The following CNOT2 variants were observed in gnomAD, a reference collection of about 807,000 sequenced individuals.
CNOT2 encodes CC chemokine receptor 4-negative regulator of transcription 2.
A neutral mutation model predicts 72.1 loss-of-function variants in CNOT2; 7 were observed. The ratio of observed to expected loss-of-function variants is 0.10; its 90% CI spans 0.06 to 0.18. The LOEUF (loss-of-function observed/expected upper bound fraction) is 0.18, where lower values mean the gene tolerates loss of function less well. CNOT2 is among the 10% of genes least tolerant of loss of function. The pLI, the probability that CNOT2 is intolerant of heterozygous loss-of-function variation, is 1.00. For missense variants in CNOT2, 345 were observed against 660.3 expected (o/e 0.52, Z 5.23); for synonymous variants, 196 against 225.6 (o/e 0.87, Z 1.17).
intron 2 of CNOT2, among the ~76,000 whole-genome samples, chr12:70,306,858 A>T (rs1334447146): frequency 6.6e-6 from 1 of 152,244 alleles, no homozygotes; most frequent in Non-Finnish European, 1.5e-5. Flanking sequence ...TGTGGACCAT[A>T]CTTAAACAAA....
intron 2 of CNOT2, among the ~76,000 whole-genome samples, chr12:70,305,777 T>TA (rs1285284838): frequency 6.6e-6 from 1 of 152,094 alleles, no homozygotes; most frequent in East Asian, 1.9e-4. Context: ...GCCTGCCTCT[T>TA]ACTTCGTTGG....
chr12:70,312,377 A>G (rs1876616975), intron 3 of CNOT2, among the ~76,000 whole-genome samples: 1 of 151,948 alleles, frequency 6.6e-6, no homozygotes, highest in African/African-American at 2.4e-5. Flanking sequence ...ATGTTAATGA[A>G]ATATTTATTA....
At chr12:70,284,424 T>C in intron 2 of CNOT2, among the ~76,000 whole-genome samples, 1 of 152,006 alleles carries the variant, frequency 6.6e-6, no homozygotes, top group Non-Finnish European at 1.5e-5. Flanking sequence ...TTTGTATTTT[T>C]CGGTAGATAC....
intron 6 of CNOT2, chr12:70,330,716 C>T (rs1168863774): frequency 1.4e-5 from 5 of 369,234 alleles, no homozygotes; most frequent in Admixed American, 9.0e-5. Flanking sequence ...TTCTTGGATT[C>T]GCCACCAGGC....
chr12:70,309,573 G>A (rs1876093461), intron 2 of CNOT2, among the ~76,000 whole-genome samples: 1 of 152,092 alleles, frequency 6.6e-6, no homozygotes, highest in Non-Finnish European at 1.5e-5. Flanking sequence ...TTTTTGAAAT[G>A]AGACATGGAA....
intron 1 of CNOT2, among the ~76,000 whole-genome samples, chr12:70,247,267 C>A (rs1255311707): frequency 6.6e-6 from 1 of 151,890 alleles, no homozygotes; most frequent in Admixed American, 6.6e-5. Context: ...CGGGTTCAAG[C>A]GGTTCTCCTG....
At chr12:70,294,165 A>G (rs989200092) in intron 2 of CNOT2, 1 of 1,289,130 alleles carries the variant, frequency 7.8e-7, no homozygotes, top group Non-Finnish European at 1.0e-6. Context: ...CCCTGCTGTA[A>G]TATCTCAGGG....
intron 2 of CNOT2, among the ~76,000 whole-genome samples, chr12:70,280,935 T>G (rs1869707684): frequency 6.6e-6 from 1 of 152,176 alleles, no homozygotes; most frequent in Admixed American, 6.5e-5. Flanking sequence ...TTTTGGATTG[T>G]CAAGCTTTTT....
intron 1 of CNOT2, among the ~76,000 whole-genome samples, chr12:70,277,231 T>C (rs1464881685): frequency 1.3e-5 from 2 of 152,154 alleles, no homozygotes; most frequent in Non-Finnish European, 2.9e-5. Context: ...GTAAGAGATA[T>C]CTGTCTTGAA....
intron 4 of CNOT2, chr12:70,324,343 T>TGGAG (rs916026633): frequency 2.0e-5 from 3 of 149,438 alleles, no homozygotes; most frequent in African/African-American, 7.3e-5. Context: ...CCTGTTTTTA[T>TGGAG]GGAGAGAGAG....
Position 70,308,582 on chromosome 12 carries a change from T to TCACA in CNOT2, c.49-2312_49-2311insACAC, listed in dbSNP as rs1475931770. On this transcript the variant is annotated intron_variant, in intron 2 of 15. Transcript: ENST00000229195. ...CTCTCTCTCTCTCTCTCTCTCTCTC[T>TCACA]CTCACACACACACACACACACACAC... Among the ~76,000 whole-genome samples the TCACA allele has an allele frequency of 4.0e-3, 468 of 118,000 alleles. 3 individuals carry two copies. Among genetic ancestry groups the TCACA allele is most frequent in the East Asian group, 0.014 (26 of 1,856 alleles). 77.4% of individuals were successfully genotyped at this position (118,000 alleles called of 152,430 possible).
At chr12:70,348,537 C>A (rs2136087540) in intron 15 of CNOT2, among the ~76,000 whole-genome samples, 1 of 152,202 alleles carries the variant, frequency 6.6e-6, no homozygotes, top group Middle Eastern at 3.4e-3. Context: ...CTGAAGTTTT[C>A]TCCATTCAAT....
chr12:70,278,692 G>T (rs1869290401), intron 2 of CNOT2, among the ~76,000 whole-genome samples: 1 of 152,144 alleles, frequency 6.6e-6, no homozygotes, highest in Non-Finnish European at 1.5e-5. Flanking sequence ...ATTGAGTAGA[G>T]TATAGAAGAA....
In CNOT2 at chr12:70,278,155, T is replaced by TC. The variant is rs1176166506; in HGVS notation, c.-70dup. On this transcript the variant is annotated 5_prime_UTR_variant, in exon 2 of 16. The change abolishes the stop of an existing upstream ORF in the 5' untranslated region. Transcript: ENST00000229195. ...AGAGGGAGACGTGGTGGGCGGTCCT[T>TC]CCTGTGACACGACCCTTGAGTGACA... 2.7e-5 allele frequency: 32 copies of TC among 1,170,420 alleles called. No homozygotes were observed. The highest frequency in any genetic ancestry group is 3.6e-5 in the Admixed American group (2 of 55,474). 72.5% of individuals were successfully genotyped at this position (1,170,420 alleles called of 1,614,324 possible). A position where few individuals can be genotyped will look rare whatever the true frequency, so the allele number is the denominator to read the frequency against.
chr12:70,264,252 T>A (rs1253554879), intron 1 of CNOT2, among the ~76,000 whole-genome samples: 1 of 152,218 alleles, frequency 6.6e-6, no homozygotes, highest in African/African-American at 2.4e-5. Context: ...GTACACTAGC[T>A]AGCCCGTGGT....
intron 1 of CNOT2, among the ~76,000 whole-genome samples, chr12:70,245,191 C>T (rs1957820499): frequency 1.3e-5 from 2 of 152,146 alleles, no homozygotes; most frequent in Non-Finnish European, 2.9e-5. Context: ...AATTAGTAAG[C>T]TCTGTATGTT....
intron 4 of CNOT2, among the ~76,000 whole-genome samples, chr12:70,328,584 C>T (rs1205322056): frequency 2.6e-5 from 4 of 151,560 alleles, no homozygotes; most frequent in Admixed American, 6.6e-5. Flanking sequence ...GATAATTATC[C>T]TGGATTATTA....
chr12:70,338,017 T>A (rs1307816428), intron 9 of CNOT2: 1 of 241,148 alleles, frequency 4.1e-6, no homozygotes, highest in African/African-American at 2.4e-5. Context: ...TTAAAATAAG[T>A]ACAAAGTTTT....
At chr12:70,322,766 A>G (rs1878494832) in intron 4 of CNOT2, 3 of 151,804 alleles carry the variant, frequency 2.0e-5, no homozygotes, top group African/African-American at 7.2e-5. Flanking sequence ...GAGAACCCAG[A>G]GCACAGGTGG....
Sources: allele counts gnomAD v4.1 joint callset (sites outside exome capture counted in the v4.1 genomes callset), GRCh38; gene constraint gnomAD v4.1.1; transcripts MANE v1.5; gene names NCBI Gene and HGNC (gene_info 2026-07-23, HGNC 2026-07-21).